The following SYT16 variants were observed in gnomAD, a reference collection of about 807,000 sequenced individuals.
The protein encoded by SYT16 is synaptotagmin-16.
In SYT16, 42 loss-of-function variants were observed where a neutral mutation model predicts 61.4. That is an observed-to-expected ratio of 0.68 (90% CI 0.53 to 0.89). The LOEUF is 0.89. Ranked by LOEUF, SYT16 falls within the 40% of genes least tolerant of loss-of-function variation. The pLI, the probability that SYT16 is intolerant of heterozygous loss-of-function variation, is 0.00. For synonymous variants in SYT16, 314 were observed against 302.3 expected, an observed-to-expected ratio of 1.04 and a Z score of -0.40; for missense variants, 804 against 807.3, an observed-to-expected ratio of 1.00 and a Z score of 0.05.
intron 1 of SYT16, among the ~76,000 whole-genome samples, chr14:61,824,176 C>G (rs942431920): frequency 6.6e-6 from 1 of 152,118 alleles, no homozygotes. Context: ...TGTCAATTCT[C>G]CCATTCAGAA....
intron 7 of SYT16, among the ~76,000 whole-genome samples, chr14:62,090,250 C>A (rs1377230859): frequency 6.6e-6 from 1 of 152,204 alleles, no homozygotes. Flanking sequence ...GATGTTCCCT[C>A]CAGTTAAAAA....
At chr14:61,861,763 CTATTGCAATA>C (rs2046971883) in intron 1 of SYT16, among the ~76,000 whole-genome samples, 1 of 152,086 alleles carries the variant, frequency 6.6e-6, no homozygotes, top group African/African-American at 2.4e-5. Context: ...CAGTTCCAGC[CTATTGCAATA>C]AAGCAAGTAT....
rs144436859 is a variant in SYT16, at chr14:62,047,474, C to A, written c.524-22129C>A. On this transcript the variant is annotated intron_variant, in intron 3 of 7. Coordinates refer to ENST00000683842, the MANE Select transcript of SYT16 (RefSeq NM_001367656.1). ...AATTGAATGCCCGTTATTTCCTTCTCCTGCCTGATTGCCCTGGCCAGAACT... is the reference window on the plus strand; with the variant it reads ...AATTGAATGCCCGTTATTTCCTTCTACTGCCTGATTGCCCTGGCCAGAACT... Among the ~76,000 whole-genome samples, 1,354 of 152,242 alleles carry A rather than the reference C, an allele frequency of 8.9e-3. 18 individuals are homozygous for A. Among genetic ancestry groups the A allele is most frequent in the African/African-American group, 0.031 (1,299 of 41,528 alleles).
At chr14:61,919,628 T>C (rs765304545) in intron 1 of SYT16, among the ~76,000 whole-genome samples, 1 of 152,202 alleles carries the variant, frequency 6.6e-6, no homozygotes, top group Non-Finnish European at 1.5e-5. Context: ...TGATTCCCTC[T>C]GCCAGTTTTA....
chr14:62,066,645 A>G (rs1160178700), intron 3 of SYT16, among the ~76,000 whole-genome samples: 2 of 152,224 alleles, frequency 1.3e-5, no homozygotes, highest in African/African-American at 4.8e-5. Context: ...CCATCTGTGA[A>G]TGAACAACCA....
intron 3 of SYT16, among the ~76,000 whole-genome samples, chr14:62,010,781 C>T (rs780218326): frequency 2.0e-5 from 3 of 152,020 alleles, no homozygotes; most frequent in Non-Finnish European, 4.4e-5. Context: ...CAAGCAGTAT[C>T]TTCTTAAGCT....
rs1414703081 is a variant in SYT16, at chr14:62,086,509, CAA to C, written c.1624+2126_1624+2127del. Reference sequence around the variant, plus strand: ...AAACAAACAACAACAAACAAACAAACAAACAAAAAATTGTGTTATGAAACTGT... The same window carrying C: ...AAACAAACAACAACAAACAAACAAACACAAAAAATTGTGTTATGAAACTGT... On this transcript the variant is annotated intron_variant, in intron 7 of 7. Transcript: ENST00000683842. Among the ~76,000 whole-genome samples, 6 of 152,094 alleles carry C rather than the reference CAA, an allele frequency of 3.9e-5. No individual in the cohort carries two copies. The South Asian group carries it at 1.0e-3, about 26-fold the overall frequency.
intron 3 of SYT16, among the ~76,000 whole-genome samples, chr14:62,036,002 G>A (rs1193110496): frequency 1.3e-5 from 2 of 152,174 alleles, no homozygotes; most frequent in Non-Finnish European, 2.9e-5. Flanking sequence ...CAGAGAGAGG[G>A]ATCCTGCTTC....
At position 62,081,053 on chromosome 14, in the gene SYT16, A is replaced by T. The variant is rs747461218; in HGVS notation, c.1213A>T (p.Asn405Tyr). The part of the protein sequence containing the change: ...LPGKKHRGRT[N>Y]IQRGPNPVFR... Reference sequence around the variant, plus strand: ...TGGTAAGAAACACAGGGGCAGGACGAACATACAGAGAGGGCCCAACCCCGT... The same window carrying T: ...TGGTAAGAAACACAGGGGCAGGACGTACATACAGAGAGGGCCCAACCCCGT... The change falls in exon 6 of 8, where the codon AAC (asparagine) becomes TAC (tyrosine). Residue 405 changes from asparagine (N) to tyrosine (Y), a missense_variant. By Grantham distance (143) the Asn-to-Tyr change is moderately radical. Transcript: ENST00000683842. 3.1e-6 allele frequency: 5 copies of T among 1,613,698 alleles called. No homozygotes were observed. The South Asian group carries it at 5.5e-5, about 18-fold the overall frequency.
intron 1 of SYT16, among the ~76,000 whole-genome samples, chr14:61,889,925 C>G (rs2048058759): frequency 6.6e-6 from 1 of 151,912 alleles, no homozygotes; most frequent in Non-Finnish European, 1.5e-5. Context: ...ACCCCAAGGT[C>G]AGCCTAGTCA....
chr14:62,052,415 T>G (rs1419194615), intron 3 of SYT16, among the ~76,000 whole-genome samples: 1 of 152,232 alleles, frequency 6.6e-6, no homozygotes, highest in African/African-American at 2.4e-5. Context: ...GTGTTGAAAT[T>G]AGAATGTGGT....
intron 1 of SYT16, among the ~76,000 whole-genome samples, chr14:61,890,510 A>C (rs2048082784): frequency 6.6e-6 from 1 of 152,090 alleles, no homozygotes; most frequent in Admixed American, 6.6e-5. Flanking sequence ...AAAAAAAAAA[A>C]AAACACTATA....
At position 62,088,887 on chromosome 14, in the gene SYT16, A is replaced by C. The variant is rs376845759; in HGVS notation, c.1624+4502A>C. Among the ~76,000 whole-genome samples the C allele has an allele frequency of 2.6e-5, 4 of 152,152 alleles. No homozygotes were observed. In the East Asian group the frequency reaches 7.7e-4, roughly 29 times the overall value. ...AATCTAGTGTGGTATGAAGTAGATA[A>C]GCTGGGTCAAGTTGGTAAAAATAAA... On this transcript the variant is annotated intron_variant, in intron 7 of 7. Transcript: ENST00000683842.
intron 1 of SYT16, among the ~76,000 whole-genome samples, chr14:61,902,149 C>A (rs1434470401): frequency 6.6e-6 from 1 of 152,190 alleles, no homozygotes; most frequent in East Asian, 1.9e-4. Flanking sequence ...ATCTTCCACC[C>A]TTTATACTCC....
intron 3 of SYT16, 21 bp downstream of exon 3, chr14:61,996,563 T>C (rs909503797): frequency 2.9e-5 from 46 of 1,563,312 alleles, no homozygotes; most frequent in Non-Finnish European, 3.9e-5. Context: ...CAGTCATCAT[T>C]TTCTCTGCGT....
At chr14:62,021,844 T>C (rs2053921545) in intron 3 of SYT16, among the ~76,000 whole-genome samples, 1 of 152,210 alleles carries the variant, frequency 6.6e-6, no homozygotes. Flanking sequence ...TAGCAGTCTG[T>C]TAAAACTTTT....
intron 1 of SYT16, among the ~76,000 whole-genome samples, chr14:61,877,679 C>T (rs1033760515): frequency 6.6e-6 from 1 of 152,126 alleles, no homozygotes; most frequent in African/African-American, 2.4e-5. Context: ...CATTTCTGTC[C>T]AGAGTTGAGA....
intron 7 of SYT16, among the ~76,000 whole-genome samples, chr14:62,085,008 A>G (rs541707297): frequency 1.3e-5 from 2 of 152,314 alleles, no homozygotes; most frequent in South Asian, 4.1e-4. Flanking sequence ...ATCTGGGGCA[A>G]TGCAGGACTG....
intron 1 of SYT16, among the ~76,000 whole-genome samples, chr14:61,922,792 G>A (rs111610811): frequency 6.5e-4 from 99 of 152,334 alleles, no homozygotes; most frequent in Non-Finnish European, 1.3e-3. Flanking sequence ...GCTCACGCCT[G>A]TAATCCCACC....
Sources: allele counts gnomAD v4.1 joint callset (sites outside exome capture counted in the v4.1 genomes callset), GRCh38; gene constraint gnomAD v4.1.1; transcripts MANE v1.5; gene names NCBI Gene and HGNC (gene_info 2026-07-23, HGNC 2026-07-21).